Variants in KLF4 observed in about 807,000 individuals in gnomAD.
The protein encoded by KLF4 is KLF transcription factor 4.
Under a neutral mutation model 38.0 loss-of-function variants are expected in KLF4, and 14 were observed. That is an observed-to-expected ratio of 0.37 (90% CI 0.24 to 0.58). KLF4 has a LOEUF of 0.58. Among genes scored for constraint, KLF4 ranks in the 20% least tolerant of loss-of-function variants. KLF4 has a pLI of 0.76. For missense variants in KLF4, 737 were observed against 670.1 expected, an observed-to-expected ratio of 1.10 and a Z score of -1.10; for synonymous variants, 398 against 302.5, an observed-to-expected ratio of 1.32 and a Z score of -3.28.
rs954539835 is a variant in KLF4, at chr9:107,485,934, G to C, written c.1265-8C>G. On this transcript the variant is annotated splice_region_variant and splice_polypyrimidine_tract_variant and intron_variant, in intron 4 of 4. Coordinates refer to ENST00000374672, the MANE Select transcript of KLF4 (RefSeq NM_004235.6). This position sits in a 1 kb window ranked among gnomAD's most constrained non-coding sequence, Gnocchi z 4.9. ...AGTGGTAAGGTTTCTCACCTGTAAA[G>C]GTAAAAGAAAAAAAAAATTGACGCT... 3.8e-6 allele frequency: 6 copies of C among 1,588,522 alleles called. No homozygotes were observed. In the African/African-American group the frequency reaches 8.3e-5, roughly 22 times the overall value.
chr9:107,488,792 C>T lies in KLF4; in HGVS notation c.126+138G>A, dbSNP rs1005409603. ...TGAGCCAAGGACACGGAAGCTATCC[C>T]GGGAAGGTTGCGGAGTCCGCGCGGT... On this transcript the variant is annotated intron_variant, in intron 2 of 4. Coordinates refer to ENST00000374672, the MANE Select transcript of KLF4 (RefSeq NM_004235.6). This position sits in a 1 kb window ranked among gnomAD's most constrained non-coding sequence, Gnocchi z 5.7. 4.1e-6 allele frequency: 5 copies of T among 1,223,504 alleles called. No individual in the cohort carries two copies. Among genetic ancestry groups the T allele is most frequent in the South Asian group, 3.1e-5 (2 of 65,528 alleles). 75.8% of individuals were successfully genotyped at this position (1,223,504 alleles called of 1,614,324 possible). A position where few individuals can be genotyped will look rare whatever the true frequency, so the allele number is the denominator to read the frequency against.
In KLF4 at chr9:107,487,244, G is replaced by A; in HGVS notation, c.1099+51C>T. ...ATCATCCCGTGTGTCCCGAAGTGGG[G>A]CCAGCACACACAGGGCTCCCCAGCC... On this transcript the variant is annotated intron_variant, in intron 3 of 4. Coordinates refer to ENST00000374672, the MANE Select transcript of KLF4 (RefSeq NM_004235.6). The surrounding 1 kb of genome is among the most constrained non-coding windows in gnomAD (Gnocchi z 6.1). The A allele has an allele frequency of 6.2e-7, 1 of 1,605,374 alleles. No individual in the cohort carries two copies. Among genetic ancestry groups the A allele is most frequent in the Non-Finnish European group, 8.5e-7 (1 of 1,175,112 alleles).
Position 107,487,904 on chromosome 9 carries a change from G to T in KLF4, c.490C>A (p.Pro164Thr). Residue 164 changes from proline to threonine, a missense_variant, in exon 3 of 5, where the codon CCG (proline) becomes ACG (threonine). Pro to Thr is a conservative substitution (Grantham distance 38, BLOSUM62 -1). Coordinates refer to ENST00000374672, the MANE Select transcript of KLF4 (RefSeq NM_004235.6). This position sits in a 1 kb window ranked among gnomAD's most constrained non-coding sequence, Gnocchi z 6.1. ...IRAGNDPGVA[P>T]GGTGGGLLYG... ...AGGAGGCCTCCGCCCGTGCCGCCCG[G>T]CGCCACGCCCGGGTCGTTCCCGGCC... The T allele has an allele frequency of 6.4e-7, 1 of 1,565,048 alleles. No individual in the cohort carries two copies. Among genetic ancestry groups the T allele is most frequent in the South Asian group, 1.2e-5 (1 of 85,504 alleles).
At position 107,487,891 on chromosome 9, in the gene KLF4, C is replaced by G; in HGVS notation, c.503G>C (p.Gly168Ala). Reference sequence around the variant, plus strand: ...CTCCCTGCCATAGAGGAGGCCTCCGCCCGTGCCGCCCGGCGCCACGCCCGG... The same window carrying G: ...CTCCCTGCCATAGAGGAGGCCTCCGGCCGTGCCGCCCGGCGCCACGCCCGG... ...NDPGVAPGGTGGGLLYGRESA... is the reference protein window; with the variant it reads ...NDPGVAPGGTAGGLLYGRESA... Residue 168 changes from glycine to alanine, a missense_variant, in exon 3 of 5, where the codon GGC becomes GCC. Gly to Ala is a moderately conservative substitution (Grantham distance 60). Around this residue, in one of 2 missense-constraint regions of KLF4, gnomAD observed 695 missense variants for 554.5 expected, o/e 1.25. Transcript: ENST00000374672. The surrounding 1 kb of genome is among the most constrained non-coding windows in gnomAD (Gnocchi z 6.1). 6.4e-7 allele frequency: 1 copy of G among 1,554,808 alleles called. No homozygotes were observed. Among genetic ancestry groups the G allele is most frequent in the Non-Finnish European group, 8.7e-7 (1 of 1,150,716 alleles).
At position 107,488,408 on chromosome 9, in the gene KLF4, C is replaced by G; in HGVS notation, c.127-141G>C. On this transcript the variant is annotated intron_variant, in intron 2 of 4. Transcript: ENST00000374672. The surrounding 1 kb of genome is among the most constrained non-coding windows in gnomAD (Gnocchi z 5.7). ...GCAGGAAGCACCCGGGAACCCAGGG[C>G]GCCAGCGCTGCAATCTCGGCCCACT... 7.1e-7 allele frequency: 1 copy of G among 1,402,246 alleles called. No individual in the cohort carries two copies. Among genetic ancestry groups the G allele is most frequent in the Non-Finnish European group, 9.3e-7 (1 of 1,070,612 alleles). The allele number at this position is 1,402,246 out of a possible 1,614,324, so 86.9% of individuals were successfully genotyped here.
Position 107,488,321 on chromosome 9 carries a change from G to A in KLF4, c.127-54C>T. The A allele has an allele frequency of 6.7e-7, 1 of 1,493,904 alleles. No homozygotes were observed. The highest frequency in any genetic ancestry group is 8.9e-7 in the Non-Finnish European group (1 of 1,125,722). 92.5% of individuals were successfully genotyped at this position (1,493,904 alleles called of 1,614,324 possible). Reference sequence around the variant, plus strand: ...CAGTGGTGGTCCCCTGTTGCCACCCGACATACTGACGTGCTGGCGGGCCAC... The same window carrying A: ...CAGTGGTGGTCCCCTGTTGCCACCCAACATACTGACGTGCTGGCGGGCCAC... On this transcript the variant is annotated intron_variant, in intron 2 of 4. Transcript: ENST00000374672. The surrounding 1 kb of genome is among the most constrained non-coding windows in gnomAD (Gnocchi z 5.7).
chr9:107,488,547 T>A lies in KLF4; in HGVS notation c.127-280A>T. On this transcript the variant is annotated intron_variant, in intron 2 of 4. Coordinates refer to ENST00000374672, the MANE Select transcript of KLF4 (RefSeq NM_004235.6). This position sits in a 1 kb window ranked among gnomAD's most constrained non-coding sequence, Gnocchi z 5.7. Reference sequence around the variant, plus strand: ...CCTCCCCCTCCAGGTCCCGTGGACGTCCCCGGAATTGGCACACCGAGGCTC... The same window carrying A: ...CCTCCCCCTCCAGGTCCCGTGGACGACCCCGGAATTGGCACACCGAGGCTC... 1 of 499,660 alleles carries A rather than the reference T, an allele frequency of 2.0e-6. No individual in the cohort carries two copies. Among genetic ancestry groups the A allele is most frequent in the South Asian group, 3.1e-5 (1 of 32,650 alleles). The allele number at this position is 499,660 out of a possible 1,614,324, so 31.0% of individuals were successfully genotyped here.
chr9:107,485,082 G>A lies in KLF4; in HGVS notation c.*669C>T, dbSNP rs1829037309. The A allele has an allele frequency of 4.9e-6, 1 of 202,082 alleles. No individual in the cohort carries two copies. The highest frequency in any genetic ancestry group is 1.0e-5 in the Non-Finnish European group (1 of 98,156). 12.5% of individuals were successfully genotyped at this position (202,082 alleles called of 1,614,324 possible). A position where few individuals can be genotyped will look rare whatever the true frequency, so the allele number is the denominator to read the frequency against. Reference sequence around the variant, plus strand: ...CCATTGTACAAATTATTGCACATCTGAAACCACAGTGCATAACAGACTGTC... The same window carrying A: ...CCATTGTACAAATTATTGCACATCTAAAACCACAGTGCATAACAGACTGTC... On this transcript the variant is annotated 3_prime_UTR_variant, in exon 5 of 5. Transcript: ENST00000374672. The surrounding 1 kb of genome is among the most constrained non-coding windows in gnomAD (Gnocchi z 4.9).
intron 1 of KLF4, 33 bp from the exon 2 acceptor site, chr9:107,489,083 G>A (rs1392515942): frequency 1.3e-6 from 2 of 1,551,558 alleles, no homozygotes; most frequent in South Asian, 1.2e-5. Flanking sequence ...AGACAGGAGA[G>A]TCAGGGGCGG....
chr9:107,487,241 G>A lies in KLF4; in HGVS notation c.1100-49C>T, dbSNP rs756575911. ...AGCATCATCCCGTGTGTCCCGAAGT[G>A]GGGCCAGCACACACAGGGCTCCCCA... On this transcript the variant is annotated intron_variant, in intron 3 of 4. Coordinates refer to ENST00000374672, the MANE Select transcript of KLF4 (RefSeq NM_004235.6). This position sits in a 1 kb window ranked among gnomAD's most constrained non-coding sequence, Gnocchi z 6.1. 4 of 1,606,100 alleles carry A rather than the reference G, an allele frequency of 2.5e-6. No individual in the cohort carries two copies. Among genetic ancestry groups the A allele is most frequent in the African/African-American group, 1.3e-5 (1 of 74,846 alleles).
rs1587921211 is a variant in KLF4, at chr9:107,487,427, C to G, written c.967G>C (p.Glu323Gln). ...SRTTPTLGLE[E>Q]VLSSRDCHPA... is the part of the protein sequence containing the mutation. ...TGACAGTCCCTGCTGCTCAGCACTT[C>G]CTCAAGACCCAGGGTCGGGGTAGTC... Residue 323 changes from glutamate (E) to glutamine (Q), a missense_variant, in exon 3 of 5, where the codon GAA (glutamate) becomes CAA (glutamine). By Grantham distance (29) the Glu-to-Gln change is conservative. Around this residue, in one of 2 missense-constraint regions of KLF4, gnomAD observed 695 missense variants for 554.5 expected, o/e 1.25. Transcript: ENST00000374672. The surrounding 1 kb of genome is among the most constrained non-coding windows in gnomAD (Gnocchi z 6.1). 2.0e-6 allele frequency: 3 copies of G among 1,519,432 alleles called. No individual in the cohort carries two copies. Among genetic ancestry groups the G allele is most frequent in the Admixed American group, 4.4e-5 (2 of 45,028 alleles). 94.1% of individuals were successfully genotyped at this position (1,519,432 alleles called of 1,614,324 possible). A position where few individuals can be genotyped will look rare whatever the true frequency, so the allele number is the denominator to read the frequency against.
At position 107,486,585 on chromosome 9, in the gene KLF4, C is replaced by T. The variant is rs140105428; in HGVS notation, c.1264+443G>A. 3.8e-3 allele frequency among the ~76,000 whole-genome samples: 578 copies of T among 151,934 alleles called. 1 individual carries two copies. The highest frequency in any genetic ancestry group is 0.034 in the Middle Eastern group (10 of 294). The stretch of plus-strand genomic sequence containing the variant: ...AAAAGTAAGACCGAATTGTTACGAC[C>T]AGAATTCAAAATAACAAAAAGGGAG... On this transcript the variant is annotated intron_variant, in intron 4 of 4. Coordinates refer to ENST00000374672, the MANE Select transcript of KLF4 (RefSeq NM_004235.6).
rs1219923638 is a variant in KLF4, at chr9:107,488,165, C to T, written c.229G>A (p.Gly77Ser). 2 of 1,612,578 alleles carry T rather than the reference C, an allele frequency of 1.2e-6. No individual in the cohort carries two copies. Among genetic ancestry groups the T allele is most frequent in the Non-Finnish European group, 1.7e-6 (2 of 1,179,900 alleles). The change falls in exon 3 of 5, where the codon GGC becomes AGC. Residue 77 changes from glycine to serine, a missense_variant. Coordinates refer to ENST00000374672, the MANE Select transcript of KLF4 (RefSeq NM_004235.6). This position sits in a 1 kb window ranked among gnomAD's most constrained non-coding sequence, Gnocchi z 5.7. ...CCGCCGCAAGCCGCACCGGCTCCGC[C>T]GCTCTCCAGGTCTGTGGCCACGGTC... ...AATVATDLES[G>S]GAGAACGGSN...
At chr9:107,489,083 G>C in intron 1 of KLF4, 33 bp from the exon 2 acceptor site, 1 of 1,551,558 alleles carries the variant, frequency 6.4e-7, no homozygotes. Flanking sequence ...AGACAGGAGA[G>C]TCAGGGGCGG....
At chr9:107,486,295 C>T (rs1194284066) in intron 4 of KLF4, among the ~76,000 whole-genome samples, 1 of 151,902 alleles carries the variant, frequency 6.6e-6, no homozygotes, top group Non-Finnish European at 1.5e-5. Context: ...CCAAACCATG[C>T]AATCTTATTC....
At position 107,487,034 on chromosome 9, in the gene KLF4, G is replaced by A; in HGVS notation, c.1258C>T (p.His420Tyr). 6.2e-7 allele frequency: 1 copy of A among 1,614,138 alleles called. No homozygotes were observed. Among genetic ancestry groups the A allele is most frequent in the African/African-American group, 1.3e-5 (1 of 75,020 alleles). Residue 420 changes from histidine to tyrosine, a missense_variant, in exon 4 of 5, where the codon CAC becomes TAC. His to Tyr is a moderately conservative substitution (Grantham distance 83). Around this residue, in one of 2 missense-constraint regions of KLF4, gnomAD observed 42 missense variants for 115.5 expected, o/e 0.36. Coordinates refer to ENST00000374672, the MANE Select transcript of KLF4 (RefSeq NM_004235.6). This position sits in a 1 kb window ranked among gnomAD's most constrained non-coding sequence, Gnocchi z 6.1. Reference sequence around the variant, plus strand: ...CTGCAGTTTGTCCCCCTACCTGTGTGGGTTCGCAGGTGTGCCTTGAGATGG... The same window carrying A: ...CTGCAGTTTGTCCCCCTACCTGTGTAGGTTCGCAGGTGTGCCTTGAGATGG... Reference protein sequence around the residue: ...SSHLKAHLRTHTGEKPYHCDW... With the variant: ...SSHLKAHLRTYTGEKPYHCDW...
rs1345683458 is a variant in KLF4 at position 107,487,836 on chromosome 9, G to A, written c.558C>T (p.Asn186=). 6.5e-7 allele frequency: 1 copy of A among 1,528,724 alleles called. No homozygotes were observed. The highest frequency in any genetic ancestry group is 1.7e-4 in the Middle Eastern group (1 of 5,850). The allele number at this position is 1,528,724 out of a possible 1,614,324, so 94.7% of individuals were successfully genotyped here. The change falls in exon 3 of 5, where the codon AAC becomes AAT. Residue 186 remains asparagine, a synonymous_variant. Coordinates refer to ENST00000374672, the MANE Select transcript of KLF4 (RefSeq NM_004235.6). This position sits in a 1 kb window ranked among gnomAD's most constrained non-coding sequence, Gnocchi z 6.1. ...ESAPPPTAPF[N]LADINDVSPS... ...GGCTCACGTCGTTGATGTCCGCCAGGTTGAAGGGAGCCGTCGGAGGGGGAG... is the reference window on the plus strand; with the variant it reads ...GGCTCACGTCGTTGATGTCCGCCAGATTGAAGGGAGCCGTCGGAGGGGGAG...
Position 107,488,892 on chromosome 9 carries a change from C to T in KLF4, c.126+38G>A. 1 of 1,542,542 alleles carries T rather than the reference C, an allele frequency of 6.5e-7. No homozygotes were observed. Among genetic ancestry groups the T allele is most frequent in the South Asian group, 1.2e-5 (1 of 83,418 alleles). On this transcript the variant is annotated intron_variant, in intron 2 of 4. Coordinates refer to ENST00000374672, the MANE Select transcript of KLF4 (RefSeq NM_004235.6). The surrounding 1 kb of genome is among the most constrained non-coding windows in gnomAD (Gnocchi z 5.7). Reference sequence around the variant, plus strand: ...CCCGCCCCCACCACACCCACGAAAACCCACCGGGCGTTCCCGGCGGCCCGG... The same window carrying T: ...CCCGCCCCCACCACACCCACGAAAATCCACCGGGCGTTCCCGGCGGCCCGG...
chr9:107,489,209 G>A lies in KLF4; in HGVS notation c.-37C>T. 6.8e-7 allele frequency: 1 copy of A among 1,461,406 alleles called. No individual in the cohort carries two copies. Among genetic ancestry groups the A allele is most frequent in the Non-Finnish European group, 9.1e-7 (1 of 1,104,272 alleles). The allele number at this position is 1,461,406 out of a possible 1,614,324, so 90.5% of individuals were successfully genotyped here. On this transcript the variant is annotated 5_prime_UTR_variant, in exon 1 of 5. Coordinates refer to ENST00000374672, the MANE Select transcript of KLF4 (RefSeq NM_004235.6). ...CCCAGAAGGTCCTCGGCAGCCCGAA[G>A]CAGCTGGGGCACCTGAACCCCAAAG...
Sources: gnomAD v4.1 joint callset for allele counts (sites outside exome capture counted in the v4.1 genomes callset) on GRCh38, gnomAD v4.1.1 for gene constraint, gnomAD v4.1.1 regional missense constraint, Gnocchi (gnomAD v3.1) non-coding constraint, MANE v1.5 for transcripts, NCBI Gene and HGNC (gene_info 2026-07-23, HGNC 2026-07-21) for gene names.